The following SMARCA2 variants were observed in gnomAD, a reference collection of about 807,000 sequenced individuals.
SMARCA2 encodes the protein SWI/SNF-related matrix-associated actin-dependent regulator of chromatin subfamily A member 2.
Under a neutral mutation model 199.8 loss-of-function variants are expected in SMARCA2, and 61 were observed. That is an observed-to-expected ratio of 0.31 (90% CI 0.25 to 0.38). The LOEUF is 0.38. Among genes scored for constraint, SMARCA2 ranks in the 10% least tolerant of loss-of-function variants. The pLI is 1.00. For synonymous variants in SMARCA2, 935 were observed against 732.0 expected, an observed-to-expected ratio of 1.28 and a Z score of -4.48; for missense variants, 1,344 against 2,012.2, an observed-to-expected ratio of 0.67 and a Z score of 6.35.
At chr9:2,047,103 C>A in intron 4 of SMARCA2, 126 bp from the exon 5 acceptor site, 17 of 559,428 alleles carry the variant, frequency 3.0e-5, no homozygotes, top group South Asian at 7.8e-5. Context: ...TTTTCCTTCT[C>A]TTCCCTCAGG....
Position 2,039,818 on chromosome 9 carries a change from A to T in SMARCA2, c.708A>T (p.Gln236His). ...AGCAGCAGCAGCAGCAGCAGCAGCA[A>T]CAGCAGCCGCAGCAGCAGCCGCCGC... ...QQQQQQQQQQ[Q>H]QQPQQQPPQP... is the part of the protein sequence containing the mutation. Residue 236 changes from glutamine (Q) to histidine (H), a missense_variant, in exon 4 of 34, where the codon CAA becomes CAT. Gln to His is a conservative substitution (Grantham distance 24). Coordinates refer to ENST00000349721, the MANE Select transcript of SMARCA2 (RefSeq NM_003070.5). This position sits in a 1 kb window ranked among gnomAD's most constrained non-coding sequence, Gnocchi z 4.8. The T allele has an allele frequency of 6.3e-7, 1 of 1,586,286 alleles. No homozygotes were observed. Among genetic ancestry groups the T allele is most frequent in the Non-Finnish European group, 8.6e-7 (1 of 1,167,332 alleles).
At chr9:2,177,754 G>A (rs929868869) in intron 29 of SMARCA2, among the ~76,000 whole-genome samples, 2 of 152,082 alleles carry the variant, frequency 1.3e-5, no homozygotes, top group Non-Finnish European at 2.9e-5. Flanking sequence ...GTTTCTCCAT[G>A]TTGGTCAGGC....
chr9:2,082,308 TGTGTG>T (rs1171716763), intron 15 of SMARCA2, among the ~76,000 whole-genome samples: 1 of 18,920 alleles, frequency 5.3e-5, no homozygotes, highest in African/African-American at 1.1e-4. Context: ...AGGGGAAAGG[TGTGTG>T]TGTGTGTGTG....
intron 1 of SMARCA2, among the ~76,000 whole-genome samples, chr9:2,018,585 G>T (rs545707914): frequency 6.6e-6 from 1 of 152,288 alleles, no homozygotes; most frequent in East Asian, 1.9e-4. Flanking sequence ...TACCAATATC[G>T]AATTTCAAAC....
intron 29 of SMARCA2, among the ~76,000 whole-genome samples, chr9:2,172,317 T>C (rs1472659078): frequency 6.6e-6 from 1 of 151,846 alleles, no homozygotes; most frequent in Non-Finnish European, 1.5e-5. Context: ...AAGTACCTGG[T>C]ATGAATGACA....
chr9:2,141,849 C>T (rs1824475155), intron 27 of SMARCA2, among the ~76,000 whole-genome samples: 2 of 152,190 alleles, frequency 1.3e-5, no homozygotes, highest in South Asian at 4.1e-4. Flanking sequence ...CTGAGCTGAT[C>T]TCCTGGCTTG....
intron 27 of SMARCA2, among the ~76,000 whole-genome samples, chr9:2,137,056 C>T (rs1224436329): frequency 6.6e-6 from 1 of 152,160 alleles, no homozygotes; most frequent in Non-Finnish European, 1.5e-5. Context: ...CTTCTTAACA[C>T]CGCCAGTGCT....
At chr9:2,064,609 A>C (rs1820747611) in intron 9 of SMARCA2, among the ~76,000 whole-genome samples, 1 of 152,148 alleles carries the variant, frequency 6.6e-6, no homozygotes, top group Non-Finnish European at 1.5e-5. Context: ...TTCTAGTTGG[A>C]AATCAGTTGA....
chr9:2,093,915 A>G (rs945988437), intron 19 of SMARCA2, among the ~76,000 whole-genome samples: 2 of 152,222 alleles, frequency 1.3e-5, no homozygotes, highest in Non-Finnish European at 2.9e-5. Context: ...TCATAAATAA[A>G]TATGTAGATA....
chr9:2,034,120 C>T (rs1256172118), intron 3 of SMARCA2, among the ~76,000 whole-genome samples: 2 of 152,026 alleles, frequency 1.3e-5, no homozygotes, highest in Admixed American at 6.6e-5. Context: ...TGGCACATGC[C>T]TGTAGTCTCA....
chr9:2,123,687 A>G lies in SMARCA2; in HGVS notation c.3763-32A>G. 6.3e-7 allele frequency: 1 copy of G among 1,597,336 alleles called. No homozygotes were observed. Among genetic ancestry groups the G allele is most frequent in the Non-Finnish European group, 8.6e-7 (1 of 1,165,948 alleles). On this transcript the variant is annotated intron_variant, in intron 26 of 33. Transcript: ENST00000349721. This position sits in a 1 kb window ranked among gnomAD's most constrained non-coding sequence, Gnocchi z 4.1. ...AAGTCTGCACCATACAGAAGCCCTGACTTTCGGTGACCCTCTTATTAATGT... is the reference window on the plus strand; with the variant it reads ...AAGTCTGCACCATACAGAAGCCCTGGCTTTCGGTGACCCTCTTATTAATGT...
At chr9:2,048,189 G>A (rs899906711) in intron 5 of SMARCA2, among the ~76,000 whole-genome samples, 1 of 152,178 alleles carries the variant, frequency 6.6e-6, no homozygotes, top group Non-Finnish European at 1.5e-5. Context: ...AATTTGGCCT[G>A]CAGGCTGTGT....
chr9:2,065,831 G>T (rs1443581500), intron 9 of SMARCA2, among the ~76,000 whole-genome samples: 1 of 152,136 alleles, frequency 6.6e-6, no homozygotes, highest in African/African-American at 2.4e-5. Flanking sequence ...CTATTGTAAG[G>T]ATAGGCGAAC....
At chr9:2,041,112 G>C in intron 4 of SMARCA2, 1 of 361,138 alleles carries the variant, frequency 2.8e-6, no homozygotes, top group Non-Finnish European at 4.9e-6. Flanking sequence ...TACCATGGGA[G>C]AGAGTTCAGA....
intron 27 of SMARCA2, among the ~76,000 whole-genome samples, chr9:2,137,936 G>A (rs117042052): frequency 0.024 from 3,592 of 152,272 alleles, 84 homozygotes; most frequent in Non-Finnish European, 0.031. Flanking sequence ...AGTGATCTGT[G>A]ACTTCATGTA....
In SMARCA2 at chr9:2,156,355, T is replaced by A. The variant is rs908345616; in HGVS notation, c.3982-5331T>A. On this transcript the variant is annotated intron_variant, in intron 27 of 33. Coordinates refer to ENST00000349721, the MANE Select transcript of SMARCA2 (RefSeq NM_003070.5). ...TTGTTCCTTAATTTAGATAATTTGGTTTCTTTTCAGGGACTTTTTTTTCTT... is the reference window on the plus strand; with the variant it reads ...TTGTTCCTTAATTTAGATAATTTGGATTCTTTTCAGGGACTTTTTTTTCTT... Among the ~76,000 whole-genome samples, 24 of 151,182 alleles carry A rather than the reference T, an allele frequency of 1.6e-4. No homozygotes were observed. The East Asian group carries it at 4.7e-3, about 29-fold the overall frequency.
In SMARCA2 at chr9:2,081,837, G is replaced by C. The variant is rs1331151656; in HGVS notation, c.2190G>C (p.Gln730His). The change falls in exon 15 of 34, where the codon CAG (glutamine) becomes CAC (histidine). Residue 730 changes from glutamine to histidine, a missense_variant. Gln to His is a conservative substitution (Grantham distance 24). Coordinates refer to ENST00000349721, the MANE Select transcript of SMARCA2 (RefSeq NM_003070.5). Reference sequence around the variant, plus strand: ...GCAATTACTCTTCATTTCAGCTCCAGGGCCTGGAATGGATGGTTTCCCTGT... The same window carrying C: ...GCAATTACTCTTCATTTCAGCTCCACGGCCTGGAATGGATGGTTTCCCTGT... ...INGTLKHYQL[Q>H]GLEWMVSLYN... The C allele has an allele frequency of 6.2e-7, 1 of 1,613,754 alleles. No homozygotes were observed. The highest frequency in any genetic ancestry group is 8.5e-7 in the Non-Finnish European group (1 of 1,179,912).
At chr9:2,140,812 A>G (rs1397804004) in intron 27 of SMARCA2, among the ~76,000 whole-genome samples, 2 of 152,088 alleles carry the variant, frequency 1.3e-5, no homozygotes, top group Non-Finnish European at 2.9e-5. Flanking sequence ...ATCCTAACCC[A>G]TGATGCACAC....
rs1019162177 is a variant in SMARCA2, at chr9:2,017,934, C to G, written c.-37+2530C>G. ...CGGGGGAAATGGGCTCCTTGTCCTC[C>G]GATCGATTGCGTGGAAAACTTTCCA... On this transcript the variant is annotated intron_variant, in intron 1 of 33. Coordinates refer to ENST00000349721, the MANE Select transcript of SMARCA2 (RefSeq NM_003070.5). The surrounding 1 kb of genome is among the most constrained non-coding windows in gnomAD (Gnocchi z 8.8). 1.3e-5 allele frequency: 2 copies of G among 152,282 alleles called. No individual in the cohort carries two copies. Among genetic ancestry groups the G allele is most frequent in the African/African-American group, 2.4e-5 (1 of 41,478 alleles). The allele number at this position is 152,282 out of a possible 1,614,324, so 9.4% of individuals were successfully genotyped here.
Sources: allele counts gnomAD v4.1 joint callset (sites outside exome capture counted in the v4.1 genomes callset), GRCh38; gene constraint gnomAD v4.1.1; non-coding constraint Gnocchi (gnomAD v3.1); transcripts MANE v1.5; gene names NCBI Gene and HGNC (gene_info 2026-07-23, HGNC 2026-07-21).